The following PBX1 variants were observed in gnomAD, a reference collection of about 807,000 sequenced individuals.
PBX1 encodes pre-B-cell leukemia transcription factor 1.
PBX1 carries 6 observed loss-of-function variants against 53.4 expected under a neutral mutation model. That is an observed-to-expected ratio of 0.11 (90% confidence interval 0.06 to 0.22). The LOEUF is 0.22. PBX1 is among the 10% of genes least tolerant of loss of function. PBX1 has a pLI of 1.00. For missense variants in PBX1, 251 were observed against 551.4 expected, an observed-to-expected ratio of 0.46 and a Z score of 5.46; for synonymous variants, 204 against 212.3, an observed-to-expected ratio of 0.96 and a Z score of 0.34.
chr1:164,677,144 C>G (rs1408214925), intron 2 of PBX1, among the ~76,000 whole-genome samples: 1 of 148,596 alleles, frequency 6.7e-6, no homozygotes, highest in Non-Finnish European at 1.5e-5. Context: ...GGACTGCGGA[C>G]TGCAGTGGCA....
intron 8 of PBX1, among the ~76,000 whole-genome samples, chr1:164,838,948 T>C (rs757969393): frequency 2.6e-5 from 4 of 152,220 alleles, no homozygotes; most frequent in South Asian, 4.1e-4. Context: ...TACCATCTCA[T>C]TGAGGATAAA....
chr1:164,578,930 A>G (rs951495960), intron 2 of PBX1, among the ~76,000 whole-genome samples: 3 of 150,274 alleles, frequency 2.0e-5, no homozygotes, highest in African/African-American at 7.4e-5. Flanking sequence ...CCTCCCCTCT[A>G]CTGGGGCCTA....
intron 8 of PBX1, among the ~76,000 whole-genome samples, chr1:164,822,932 G>A (rs370369138): frequency 2.0e-5 from 3 of 152,158 alleles, no homozygotes; most frequent in African/African-American, 7.2e-5. Context: ...ACATGGCTTG[G>A]CTAGCTGCTT....
intron 4 of PBX1, among the ~76,000 whole-genome samples, chr1:164,801,887 C>G (rs946514448): frequency 1.5e-4 from 23 of 152,244 alleles, no homozygotes; most frequent in African/African-American, 5.1e-4. Flanking sequence ...AGTTCAAAAA[C>G]AAATGTCTGC....
Position 164,699,877 on chromosome 1 carries a change from C to T in PBX1, c.266-92617C>T, listed in dbSNP as rs1425247143. ...TTATTTATTTTCCTCAGTTGCTGCT[C>T]TGGAAGCCCGGAGTTGACAGAGCGG... is the stretch of plus-strand genomic sequence containing the variant. On this transcript the variant is annotated intron_variant, in intron 2 of 8. Coordinates refer to ENST00000420696, the MANE Select transcript of PBX1 (RefSeq NM_002585.4). 3.3e-5 allele frequency among the ~76,000 whole-genome samples: 5 copies of T among 152,150 alleles called. No individual in the cohort carries two copies. The East Asian group carries it at 9.6e-4, about 29-fold the overall frequency.
At chr1:164,615,572 G>A (rs1244309233) in intron 2 of PBX1, among the ~76,000 whole-genome samples, 1 of 151,986 alleles carries the variant, frequency 6.6e-6, no homozygotes, top group South Asian at 2.1e-4. Flanking sequence ...TGACCTTTTT[G>A]TAATCAATTT....
At chr1:164,626,671 C>CTA (rs1658067323) in intron 2 of PBX1, among the ~76,000 whole-genome samples, 1 of 152,182 alleles carries the variant, frequency 6.6e-6, no homozygotes, top group South Asian at 2.1e-4. Context: ...TCTTAAAACT[C>CTA]TAGAAAACTG....
intron 2 of PBX1, among the ~76,000 whole-genome samples, chr1:164,751,823 T>C (rs191727370): frequency 3.0e-4 from 45 of 152,150 alleles, no homozygotes; most frequent in African/African-American, 1.1e-3. Flanking sequence ...CTCAGGTGAT[T>C]TGCCCACCTC....
At chr1:164,810,193 A>C (rs1335951018) in intron 5 of PBX1, among the ~76,000 whole-genome samples, 1 of 151,950 alleles carries the variant, frequency 6.6e-6, no homozygotes, top group Non-Finnish European at 1.5e-5. Flanking sequence ...TGTGAATCAA[A>C]CTCTTCCCAT....
intron 2 of PBX1, chr1:164,682,144 A>G (rs1295979339): frequency 6.6e-6 from 1 of 152,258 alleles, no homozygotes; most frequent in Non-Finnish European, 1.5e-5. Context: ...ATTAAAACAG[A>G]TGTGATCTAC....
chr1:164,881,990 A>C (rs1672671085), intron 2 of PBX1, among the ~76,000 whole-genome samples: 1 of 152,176 alleles, frequency 6.6e-6, no homozygotes, highest in Non-Finnish European at 1.5e-5. Context: ...CTTTTTCCCA[A>C]AACTAATTAT....
At chr1:164,779,093 G>T (rs939475132) in intron 2 of PBX1, among the ~76,000 whole-genome samples, 3 of 150,446 alleles carry the variant, frequency 2.0e-5, no homozygotes, top group African/African-American at 7.4e-5. Flanking sequence ...CCCCAGGCTG[G>T]AGTGCAGTGG....
intron 2 of PBX1, among the ~76,000 whole-genome samples, chr1:164,661,636 A>T (rs1198457451): frequency 6.6e-6 from 1 of 152,062 alleles, no homozygotes; most frequent in African/African-American, 2.4e-5. Flanking sequence ...CATGTTGGCC[A>T]GGCTGATCTC....
At chr1:164,561,523 C>T (rs1038374836) in intron 1 of PBX1, among the ~76,000 whole-genome samples, 1 of 152,126 alleles carries the variant, frequency 6.6e-6, no homozygotes, top group African/African-American at 2.4e-5. Flanking sequence ...GAAGATTTCC[C>T]ACTGGCAATT....
chr1:164,572,033 A>C (rs1159024201), intron 2 of PBX1, among the ~76,000 whole-genome samples: 2 of 150,194 alleles, frequency 1.3e-5, no homozygotes, highest in Non-Finnish European at 3.0e-5. Flanking sequence ...CAGCCTCCTG[A>C]GTAGCTGGGA....
Position 164,792,753 on chromosome 1 carries a change from C to G in PBX1, c.510+15C>G, listed in dbSNP as rs776508981. 14 of 1,579,132 alleles carry G rather than the reference C, an allele frequency of 8.9e-6. No homozygotes were observed. In the South Asian group the frequency reaches 1.4e-4, roughly 15 times the overall value. On this transcript the variant is annotated intron_variant, in intron 3 of 8. Coordinates refer to ENST00000420696, the MANE Select transcript of PBX1 (RefSeq NM_002585.4). ...AATACGAGCAGGTAACCAGAACCACCTGGGGCTCGGCACCCAGGCCCTTTA... is the reference window on the plus strand; with the variant it reads ...AATACGAGCAGGTAACCAGAACCACGTGGGGCTCGGCACCCAGGCCCTTTA...
chr1:164,849,543 T>G lies in PBX1; in HGVS notation c.*2867T>G. On this transcript the variant is annotated 3_prime_UTR_variant, in exon 9 of 9. Transcript: ENST00000420696. ...AGAGCAAGATGCACCCCAGGATTTCTTCATTTTCTAATAGATGTGGGAGTG... is the reference window on the plus strand; with the variant it reads ...AGAGCAAGATGCACCCCAGGATTTCGTCATTTTCTAATAGATGTGGGAGTG... 1 of 1,270,190 alleles carries G rather than the reference T, an allele frequency of 7.9e-7. No homozygotes were observed. The highest frequency in any genetic ancestry group is 1.1e-6 in the Non-Finnish European group (1 of 935,902). 78.7% of individuals were successfully genotyped at this position (1,270,190 alleles called of 1,614,324 possible). A position where few individuals can be genotyped will look rare whatever the true frequency, so the allele number is the denominator to read the frequency against.
intron 5 of PBX1, 39 bp downstream of exon 5, chr1:164,807,716 C>T (rs1669423348): frequency 7.5e-6 from 12 of 1,607,238 alleles, no homozygotes; most frequent in Non-Finnish European, 1.0e-5. Context: ...GTAGCCTGGC[C>T]ATGGCGGGGC....
chr1:164,635,496 C>T lies in PBX1; in HGVS notation c.265+72185C>T, dbSNP rs186908652. On this transcript the variant is annotated intron_variant, in intron 2 of 8. Coordinates refer to ENST00000420696, the MANE Select transcript of PBX1 (RefSeq NM_002585.4). ...AGTGCAGCTTAGCCCAACTGTCACTCGACAGGCGTTTGTCGGACAAAATCA... is the reference window on the plus strand; with the variant it reads ...AGTGCAGCTTAGCCCAACTGTCACTTGACAGGCGTTTGTCGGACAAAATCA... 4.6e-4 allele frequency among the ~76,000 whole-genome samples: 70 copies of T among 152,358 alleles called. No homozygotes were observed. The East Asian group carries it at 0.013, about 28-fold the overall frequency.
Sources: allele counts gnomAD v4.1 joint callset (sites outside exome capture counted in the v4.1 genomes callset), GRCh38; gene constraint gnomAD v4.1.1; transcripts MANE v1.5; gene names NCBI Gene and HGNC (gene_info 2026-07-23, HGNC 2026-07-21).